The following UGGT2 variants were observed in gnomAD, a reference collection of about 807,000 sequenced individuals.
The protein encoded by UGGT2 is UDP-glucose:glycoprotein glucosyltransferase 2.
In UGGT2, 180 loss-of-function variants were observed where a neutral mutation model predicts 192.1. The ratio of observed to expected loss-of-function variants is 0.94; its 90% CI spans 0.83 to 1.06. UGGT2 has a LOEUF of 1.06. Ranked by LOEUF, UGGT2 falls within the 50% of genes least tolerant of loss-of-function variation. UGGT2 has a pLI of 0.00. For missense variants in UGGT2, 1,849 were observed against 1,795.7 expected, an observed-to-expected ratio of 1.03 and a Z score of -0.54; for synonymous variants, 580 against 591.0, an observed-to-expected ratio of 0.98 and a Z score of 0.27.
intron 20 of UGGT2, among the ~76,000 whole-genome samples, chr13:95,921,231 T>A (rs562191431): frequency 6.6e-6 from 1 of 151,348 alleles, no homozygotes; most frequent in African/African-American, 2.4e-5. Context: ...TCAGGAAGAA[T>A]AGCTAAGGGA....
intron 9 of UGGT2, chr13:95,985,137 AAG>A: frequency 2.0e-6 from 1 of 512,580 alleles, no homozygotes. Context: ...CTGTCTGATC[AAG>A]ACTAAAGTTA....
chr13:95,985,115 A>T, intron 9 of UGGT2: 2 of 367,230 alleles, frequency 5.4e-6, no homozygotes, highest in Non-Finnish European at 9.4e-6. Flanking sequence ...TAGCATCAAT[A>T]GAGCTAATCA....
chr13:96,034,519 G>A (rs1482381706), intron 1 of UGGT2, among the ~76,000 whole-genome samples: 1 of 152,226 alleles, frequency 6.6e-6, no homozygotes, highest in Non-Finnish European at 1.5e-5. Context: ...GAACAGGGCT[G>A]AAACACGTGC....
rs752501760 is a variant in UGGT2, at chr13:95,890,958, T to C, written c.2862A>G (p.Ile954Met). ...VTFLRENHSV[I>M]KTNPQENDMF... The stretch of plus-strand genomic sequence containing the variant: ...TATCATTCTCTTGAGGATTCGTCTT[T>C]ATAACACTAAGAAAATAGAAAATAA... Residue 954 changes from isoleucine to methionine, a missense_variant, in exon 25 of 39, where the codon ATA becomes ATG. Physicochemically the swap from Ile to Met is conservative, Grantham distance 10 (BLOSUM62 1). Transcript: ENST00000376747. 2.5e-6 allele frequency: 4 copies of C among 1,605,138 alleles called. No homozygotes were observed. Among genetic ancestry groups the C allele is most frequent in the Non-Finnish European group, 3.4e-6 (4 of 1,174,394 alleles).
At chr13:95,887,543 G>A (rs1007242187) in intron 26 of UGGT2, 2 of 303,192 alleles carry the variant, frequency 6.6e-6, no homozygotes, top group Admixed American at 4.2e-5. Context: ...ATATAATAAA[G>A]ATCATTTTGG....
chr13:95,867,121 TATC>T (rs1431380540), intron 30 of UGGT2, among the ~76,000 whole-genome samples: 1 of 152,110 alleles, frequency 6.6e-6, no homozygotes, highest in Non-Finnish European at 1.5e-5. Context: ...TATTTACAGT[TATC>T]ATAATGTAAA....
Position 95,903,296 on chromosome 13 carries a change from T to C in UGGT2, c.2296-236A>G, listed in dbSNP as rs143637024. ...ATGATTCATTTGTAATGTAACATTA[T>C]ATTTAAGCTTTTTGTATGTGAAATA... On this transcript the variant is annotated intron_variant, in intron 20 of 38. Transcript: ENST00000376747. Among the ~76,000 whole-genome samples, 322 of 152,178 alleles carry C rather than the reference T, an allele frequency of 2.1e-3. 1 individual carries two copies. The highest frequency in any genetic ancestry group is 3.9e-3 in the Non-Finnish European group (263 of 68,004).
At chr13:95,858,759 A>G (rs1307662215) in intron 33 of UGGT2, among the ~76,000 whole-genome samples, 1 of 152,106 alleles carries the variant, frequency 6.6e-6, no homozygotes, top group African/African-American at 2.4e-5. Context: ...GGTCTCAGGT[A>G]CCTCTCAACT....
intron 33 of UGGT2, among the ~76,000 whole-genome samples, chr13:95,857,000 A>G (rs1233468309): frequency 1.3e-5 from 2 of 152,124 alleles, no homozygotes; most frequent in Admixed American, 1.3e-4. Context: ...CTGAGAGAGA[A>G]AATGAAAAAG....
chr13:95,924,844 A>G (rs2048970342), intron 20 of UGGT2, among the ~76,000 whole-genome samples: 1 of 152,212 alleles, frequency 6.6e-6, no homozygotes, highest in Non-Finnish European at 1.5e-5. Context: ...TAAGTGAGTC[A>G]TCTTAGAAGC....
At chr13:96,029,082 C>T (rs560215254) in intron 2 of UGGT2, among the ~76,000 whole-genome samples, 31 of 151,894 alleles carry the variant, frequency 2.0e-4, no homozygotes, top group East Asian at 9.7e-4. Context: ...ACCCAGGAGG[C>T]GGAGCTGGCA....
At chr13:95,803,485 C>G (rs990968370) in intron 38 of UGGT2, among the ~76,000 whole-genome samples, 7 of 152,056 alleles carry the variant, frequency 4.6e-5, no homozygotes, top group African/African-American at 1.7e-4. Context: ...GTCTCGAACT[C>G]CCGACCTCAG....
At chr13:95,898,264 A>G (rs1050823463) in intron 22 of UGGT2, among the ~76,000 whole-genome samples, 1 of 152,124 alleles carries the variant, frequency 6.6e-6, no homozygotes, top group Non-Finnish European at 1.5e-5. Flanking sequence ...TCTCCTGCCC[A>G]GAACTATGCA....
chr13:95,969,690 A>T (rs1348654482), intron 12 of UGGT2, among the ~76,000 whole-genome samples: 1 of 152,210 alleles, frequency 6.6e-6, no homozygotes, highest in Non-Finnish European at 1.5e-5. Flanking sequence ...ATATGATCAA[A>T]TGTTTTTCAC....
chr13:95,807,799 T>C (rs1316438813), intron 38 of UGGT2, among the ~76,000 whole-genome samples: 1 of 150,028 alleles, frequency 6.7e-6, no homozygotes, highest in Non-Finnish European at 1.5e-5. Context: ...TGTGAAGTCA[T>C]GCACAACATC....
At chr13:95,933,518 C>T (rs970571579) in intron 17 of UGGT2, among the ~76,000 whole-genome samples, 4 of 152,214 alleles carry the variant, frequency 2.6e-5, no homozygotes, top group African/African-American at 9.6e-5. Flanking sequence ...TTTGGTTTCA[C>T]TGATTCATTG....
intron 32 of UGGT2, among the ~76,000 whole-genome samples, chr13:95,860,344 A>G (rs1369467945): frequency 6.7e-6 from 1 of 148,664 alleles, no homozygotes; most frequent in Non-Finnish European, 1.5e-5. Context: ...AGTACTGTAA[A>G]TATATATATT....
chr13:95,904,409 G>A (rs1359368056), intron 20 of UGGT2, among the ~76,000 whole-genome samples: 2 of 149,422 alleles, frequency 1.3e-5, no homozygotes, highest in South Asian at 2.2e-4. Context: ...TCGTCATCTA[G>A]CATTAGGTAT....
intron 36 of UGGT2, among the ~76,000 whole-genome samples, chr13:95,849,146 C>T (rs1176705414): frequency 6.6e-6 from 1 of 151,770 alleles, no homozygotes; most frequent in East Asian, 1.9e-4. Context: ...AGGCAATGTG[C>T]AAAGATCCCT....
Sources: gnomAD v4.1 joint callset for allele counts (sites outside exome capture counted in the v4.1 genomes callset) on GRCh38, gnomAD v4.1.1 for gene constraint, MANE v1.5 for transcripts, NCBI Gene and HGNC (gene_info 2026-07-23, HGNC 2026-07-21) for gene names.